The following KAT6B variants were observed in gnomAD, a reference collection of about 807,000 sequenced individuals.
The protein encoded by KAT6B is histone acetyltransferase KAT6B.
KAT6B carries 10 observed loss-of-function variants against 187.5 expected under a neutral mutation model. That is an observed-to-expected ratio of 0.05 (90% CI 0.03 to 0.09). KAT6B has a LOEUF of 0.09. Ranked by LOEUF, KAT6B falls within the 10% of genes least tolerant of loss-of-function variation. The probability of loss-of-function intolerance (pLI) is 1.00; values close to 1 mark genes in which losing one functional copy is unlikely to be tolerated. For missense variants in KAT6B, 1,952 were observed against 2,558.9 expected, an observed-to-expected ratio of 0.76 and a Z score of 5.12; for synonymous variants, 861 against 926.8, an observed-to-expected ratio of 0.93 and a Z score of 1.29.
intron 3 of KAT6B, among the ~76,000 whole-genome samples, chr10:74,935,843 T>C (rs1050113783): frequency 2.0e-5 from 3 of 152,222 alleles, no homozygotes; most frequent in African/African-American, 7.2e-5. Context: ...CTTAGGAAAG[T>C]TTCAAAAGTA....
At chr10:74,946,588 G>A (rs1241154203) in intron 3 of KAT6B, among the ~76,000 whole-genome samples, 1 of 152,140 alleles carries the variant, frequency 6.6e-6, no homozygotes, top group African/African-American at 2.4e-5. Context: ...CAATGTATGT[G>A]AATCTCAAAA....
chr10:74,848,513 C>G (rs185977605), intron 3 of KAT6B, among the ~76,000 whole-genome samples: 36 of 151,614 alleles, frequency 2.4e-4, no homozygotes, highest in African/African-American at 7.5e-4. Context: ...TCAACAACAA[C>G]AACAAGAACA....
rs577172591 is a variant in KAT6B, at chr10:74,954,479, C to T, written c.622-5491C>T. 8.1e-4 allele frequency among the ~76,000 whole-genome samples: 122 copies of T among 150,640 alleles called. 2 individuals carry two copies. The highest frequency in any genetic ancestry group is 7.3e-4 in the African/African-American group (30 of 41,080). On this transcript the variant is annotated intron_variant, in intron 3 of 17. Transcript: ENST00000287239. ...AAAAATAAAAACTAAGCAAATGAAG[C>T]GGAAAAAAAAAAGAATCCATTCCAT... is the stretch of plus-strand genomic sequence containing the variant.
At chr10:74,835,991 T>A (rs1305559095) in intron 1 of KAT6B, among the ~76,000 whole-genome samples, 4 of 152,228 alleles carry the variant, frequency 2.6e-5, no homozygotes. Context: ...TCTAGATATG[T>A]CCCTGAGACT....
At chr10:74,945,551 C>T (rs1375459955) in intron 3 of KAT6B, among the ~76,000 whole-genome samples, 4 of 152,146 alleles carry the variant, frequency 2.6e-5, no homozygotes, top group Non-Finnish European at 5.9e-5. Flanking sequence ...CAACCTCCGC[C>T]TCCTGGGTTC....
chr10:74,903,867 T>TA (rs1781399485), intron 3 of KAT6B, among the ~76,000 whole-genome samples: 1 of 152,228 alleles, frequency 6.6e-6, no homozygotes, highest in Non-Finnish European at 1.5e-5. Flanking sequence ...GGGGTAGACT[T>TA]ACAGGAGCCT....
intron 10 of KAT6B, among the ~76,000 whole-genome samples, chr10:74,980,320 T>A (rs1020423669): frequency 3.9e-5 from 6 of 152,236 alleles, no homozygotes; most frequent in Admixed American, 2.0e-4. Context: ...TCTTCAAAAA[T>A]TTTTTAGTCT....
chr10:75,022,105 A>G lies in KAT6B; in HGVS notation c.3246A>G (p.Glu1082=), dbSNP rs533495849. The change falls in exon 16 of 18, where the codon GAA becomes GAG. Residue 1082 remains glutamate, a synonymous_variant. Coordinates refer to ENST00000287239, the MANE Select transcript of KAT6B (RefSeq NM_012330.4). ...AGGAGGAGGACGAGGAGGAGGAAGAAGAGGAGGAAGAAGAGGAAGAGGATG... is the reference window on the plus strand; with the variant it reads ...AGGAGGAGGACGAGGAGGAGGAAGAGGAGGAGGAAGAAGAGGAAGAGGATG... The part of the protein sequence containing the change: ...EEEEEDEEEE[E]EEEEEEEDEE... The G allele has an allele frequency of 1.9e-6, 3 of 1,582,996 alleles. No homozygotes were observed. The highest frequency in any genetic ancestry group is 3.4e-5 in the Admixed American group (2 of 59,330).
chr10:74,912,109 A>G (rs996294967), intron 3 of KAT6B, among the ~76,000 whole-genome samples: 12 of 152,288 alleles, frequency 7.9e-5, no homozygotes, highest in African/African-American at 2.6e-4. Flanking sequence ...GCCAGGTGCA[A>G]TAAGTGTTTA....
chr10:74,830,731 C>CACATAT (rs1840697105), intron 1 of KAT6B, among the ~76,000 whole-genome samples: 2 of 17,202 alleles, frequency 1.2e-4, no homozygotes, highest in Non-Finnish European at 2.0e-4. Flanking sequence ...CACAGCTCTT[C>CACATAT]ATATATATAT....
Position 75,028,776 on chromosome 10 carries a change from C to T in KAT6B, c.3952C>T (p.Leu1318=), listed in dbSNP as rs140301566. The T allele has an allele frequency of 1.2e-6, 2 of 1,614,050 alleles. No individual in the cohort carries two copies. Among genetic ancestry groups the T allele is most frequent in the Non-Finnish European group, 1.7e-6 (2 of 1,180,050 alleles). ...EEEVKETGEA[L]LPQEENRREE... is the part of the protein sequence containing the mutation. ...GGAGGTCAAGGAAACTGGGGAAGCC[C>T]TGTTGCCTCAAGAGGAAAACAGAAG... The change falls in exon 18 of 18, where the codon CTG becomes TTG. Residue 1318 remains leucine (L), a synonymous_variant. Transcript: ENST00000287239.
rs532520961 is a variant in KAT6B at position 74,859,319 on chromosome 10, A to C, written c.621+15841A>C. ...AGGCTGGTTTTGAACCCCTGGCCTCAAGAGATCCAGCCACCTCAGCCTCCC... is the reference window on the plus strand; with the variant it reads ...AGGCTGGTTTTGAACCCCTGGCCTCCAGAGATCCAGCCACCTCAGCCTCCC... On this transcript the variant is annotated intron_variant, in intron 3 of 17. Coordinates refer to ENST00000287239, the MANE Select transcript of KAT6B (RefSeq NM_012330.4). Among the ~76,000 whole-genome samples, 6 of 152,062 alleles carry C rather than the reference A, an allele frequency of 3.9e-5. No homozygotes were observed. In the South Asian group the frequency reaches 8.3e-4, roughly 21 times the overall value.
At chr10:74,965,229 C>G (rs139162401) in intron 4 of KAT6B, among the ~76,000 whole-genome samples, 1 of 152,338 alleles carries the variant, frequency 6.6e-6, no homozygotes, top group Non-Finnish European at 1.5e-5. Flanking sequence ...TCATCTCTCC[C>G]TCTGTTCATG....
chr10:74,901,176 C>T (rs1589582535), intron 3 of KAT6B, among the ~76,000 whole-genome samples: 1 of 152,228 alleles, frequency 6.6e-6, no homozygotes, highest in South Asian at 2.1e-4. Flanking sequence ...TTTTGCTCAA[C>T]GTATGCTATC....
At chr10:74,976,576 A>G (rs529669121) in intron 8 of KAT6B, 2 of 556,242 alleles carry the variant, frequency 3.6e-6, no homozygotes, top group South Asian at 2.0e-5. Flanking sequence ...TCGTAGTGAC[A>G]CTAGGACCCC....
intron 11 of KAT6B, chr10:74,983,519 G>A (rs1339489555): frequency 6.6e-6 from 1 of 152,226 alleles, no homozygotes; most frequent in Non-Finnish European, 1.5e-5. Context: ...CTCCTTCCTT[G>A]ATGCCTTAGA....
At chr10:74,871,817 C>T (rs1044872999) in intron 3 of KAT6B, among the ~76,000 whole-genome samples, 2 of 152,190 alleles carry the variant, frequency 1.3e-5, no homozygotes, top group Admixed American at 1.3e-4. Flanking sequence ...AACAGGAACG[C>T]CCAGAACAGT....
chr10:74,871,083 T>C (rs546374777), intron 3 of KAT6B, among the ~76,000 whole-genome samples: 1 of 150,480 alleles, frequency 6.6e-6, no homozygotes, highest in East Asian at 1.9e-4. Flanking sequence ...GGTTCCACCA[T>C]GTTGGCCGGG....
At chr10:74,835,580 A>G (rs1841235531) in intron 1 of KAT6B, among the ~76,000 whole-genome samples, 1 of 152,328 alleles carries the variant, frequency 6.6e-6, no homozygotes, top group Admixed American at 6.5e-5. Flanking sequence ...GGAGAGACAG[A>G]AAGAGTTTGG....
Sources: allele counts gnomAD v4.1 joint callset (sites outside exome capture counted in the v4.1 genomes callset), GRCh38; gene constraint gnomAD v4.1.1; transcripts MANE v1.5; gene names NCBI Gene and HGNC (gene_info 2026-07-23, HGNC 2026-07-21).